The following CD6 variants were observed in gnomAD, a reference collection of about 807,000 sequenced individuals.
The protein encoded by CD6 is CD6 molecule.
CD6 carries 53 observed loss-of-function variants against 75.3 expected under a neutral mutation model. The ratio of observed to expected loss-of-function variants is 0.70; its 90% CI spans 0.56 to 0.88. The LOEUF (loss-of-function observed/expected upper bound fraction) is 0.88. Among genes scored for constraint, CD6 ranks in the 40% least tolerant of loss-of-function variants. The pLI, the probability that CD6 is intolerant of heterozygous loss-of-function variation, is 0.00. For synonymous variants in CD6, 359 were observed against 381.5 expected, an observed-to-expected ratio of 0.94 and a Z score of 0.69; for missense variants, 770 against 897.1, an observed-to-expected ratio of 0.86 and a Z score of 1.81.
At chr11:60,992,371 AG>A (rs200664353) in intron 1 of CD6, among the ~76,000 whole-genome samples, 2 of 151,738 alleles carry the variant, frequency 1.3e-5, no homozygotes, top group Non-Finnish European at 2.9e-5. Context: ...GAGGGAGGCA[AG>A]GGGGGCATGT....
Position 60,979,938 on chromosome 11 carries a change from C to T in CD6, c.49+8024C>T, listed in dbSNP as rs185918184. On this transcript the variant is annotated intron_variant, in intron 1 of 12. Coordinates refer to ENST00000313421, the MANE Select transcript of CD6 (RefSeq NM_006725.5). ...GGCAACAGGCACAATCCAGTGACAG[C>T]TGCAACCACCACCCATTACCAGGGA... Among the ~76,000 whole-genome samples, 33 of 152,342 alleles carry T rather than the reference C, an allele frequency of 2.2e-4. No homozygotes were observed. In the East Asian group the frequency reaches 6.2e-3, roughly 28 times the overall value.
chr11:61,000,013 C>T (rs145003773), intron 1 of CD6, among the ~76,000 whole-genome samples: 2 of 152,206 alleles, frequency 1.3e-5, no homozygotes, highest in African/African-American at 4.8e-5. Context: ...GATCGCATCA[C>T]TGCACTCCAG....
In CD6 at chr11:61,017,492, T is replaced by G. The variant is rs1324264849; in HGVS notation, c.1524T>G (p.His508Gln). 1 of 1,549,546 alleles carries G rather than the reference T, an allele frequency of 6.5e-7. No individual in the cohort carries two copies. Among genetic ancestry groups the G allele is most frequent in the South Asian group, 1.2e-5 (1 of 83,972 alleles). The stretch of plus-strand genomic sequence containing the variant: ...CTCTGCTTGCAGATTCCCAGCGGCA[T>G]CGGGTCACAGATGAGGAGGTCCAGC... ...ALTTFYNSQR[H>Q]RVTDEEVQQS... is the part of the protein sequence containing the mutation. Residue 508 changes from histidine to glutamine, a missense_variant, in exon 10 of 13, where the codon CAT (histidine) becomes CAG (glutamine). By Grantham distance (24) the His-to-Gln change is conservative. Transcript: ENST00000313421.
chr11:60,990,007 T>G (rs1360465287), intron 1 of CD6, among the ~76,000 whole-genome samples: 2 of 152,192 alleles, frequency 1.3e-5, no homozygotes, highest in African/African-American at 4.8e-5. Flanking sequence ...TTTTAAAATT[T>G]TTTTGTTTTT....
At chr11:60,991,056 G>T (rs1858040366) in intron 1 of CD6, among the ~76,000 whole-genome samples, 1 of 151,544 alleles carries the variant, frequency 6.6e-6, no homozygotes. Flanking sequence ...AAAGGGTATA[G>T]CTTTCAGATC....
At chr11:61,013,700 C>G (rs1273298077) in intron 7 of CD6, 137 bp downstream of exon 7, 1 of 955,668 alleles carries the variant, frequency 1.0e-6, no homozygotes, top group Non-Finnish European at 1.6e-6. Context: ...AAAGGATTTT[C>G]CCAGCATGCC....
intron 1 of CD6, among the ~76,000 whole-genome samples, chr11:60,992,378 C>T (rs1858101069): frequency 6.6e-6 from 1 of 150,768 alleles, no homozygotes; most frequent in South Asian, 2.1e-4. Context: ...GCAAGGGGGG[C>T]ATGTGAAGAG....
intron 1 of CD6, among the ~76,000 whole-genome samples, chr11:60,979,424 G>A (rs1857484328): frequency 6.6e-6 from 1 of 152,030 alleles, no homozygotes; most frequent in East Asian, 1.9e-4. Flanking sequence ...AGCCAGGGGA[G>A]AGCTTGCTGG....
intron 1 of CD6, among the ~76,000 whole-genome samples, chr11:60,986,898 C>T (rs548946086): frequency 7.2e-5 from 11 of 152,248 alleles, no homozygotes; most frequent in South Asian, 4.1e-4. Context: ...GAGGCTGAGG[C>T]GGGCAGATCA....
chr11:61,006,260 A>T (rs985376656), intron 1 of CD6, among the ~76,000 whole-genome samples: 1 of 152,202 alleles, frequency 6.6e-6, no homozygotes, highest in African/African-American at 2.4e-5. Flanking sequence ...AGATTAAGTC[A>T]CCCATTCATG....
At chr11:60,972,533 G>A (rs1857227159) in intron 1 of CD6, among the ~76,000 whole-genome samples, 1 of 152,188 alleles carries the variant, frequency 6.6e-6, no homozygotes, top group African/African-American at 2.4e-5. Context: ...GGAATCAGAT[G>A]GCCAGAAGGT....
intron 1 of CD6, among the ~76,000 whole-genome samples, chr11:60,972,893 C>T (rs1008787990): frequency 6.6e-6 from 1 of 152,150 alleles, no homozygotes; most frequent in African/African-American, 2.4e-5. Context: ...GTGTTCCGAG[C>T]CTGTGGCCTC....
chr11:61,015,865 C>T (rs1357634955), intron 9 of CD6, 30 bp downstream of exon 9: 2 of 1,612,020 alleles, frequency 1.2e-6, no homozygotes, highest in South Asian at 2.2e-5. Flanking sequence ...CCCGAGGGCC[C>T]ACCTACCTGA....
chr11:60,995,320 T>C (rs1240014519), intron 1 of CD6, among the ~76,000 whole-genome samples: 2 of 151,996 alleles, frequency 1.3e-5, no homozygotes, highest in Non-Finnish European at 2.9e-5. Context: ...AATTTTTGTA[T>C]TTTTAGTAGA....
At chr11:60,978,445 C>A (rs932895505) in intron 1 of CD6, among the ~76,000 whole-genome samples, 2 of 152,160 alleles carry the variant, frequency 1.3e-5, no homozygotes, top group African/African-American at 4.8e-5. Flanking sequence ...GGAGAAGGAA[C>A]CTTGAGGAGG....
chr11:61,013,285 T>G (rs1312128245), intron 6 of CD6, 138 bp from the exon 7 acceptor site: 17 of 967,322 alleles, frequency 1.8e-5, no homozygotes, highest in Non-Finnish European at 2.5e-5. Flanking sequence ...TTAAAAGCAA[T>G]GAGAAAATTG....
intron 1 of CD6, among the ~76,000 whole-genome samples, chr11:61,000,023 G>A (rs1391316835): frequency 6.6e-6 from 1 of 152,062 alleles, no homozygotes; most frequent in Non-Finnish European, 1.5e-5. Context: ...CTGCACTCCA[G>A]CCTGGGCAAC....
chr11:60,998,848 A>AG (rs1491342050), intron 1 of CD6, among the ~76,000 whole-genome samples: 1 of 59,228 alleles, frequency 1.7e-5, no homozygotes, highest in African/African-American at 5.7e-5. Context: ...AACACAAGGC[A>AG]GAAAAAAAAA....
At chr11:60,974,401 G>A (rs1444738026) in intron 1 of CD6, among the ~76,000 whole-genome samples, 5 of 152,134 alleles carry the variant, frequency 3.3e-5, no homozygotes, top group African/African-American at 7.2e-5. Flanking sequence ...CATGCGCCAC[G>A]ACGCCCAGCT....
Sources: allele counts gnomAD v4.1 joint callset (sites outside exome capture counted in the v4.1 genomes callset), GRCh38; gene constraint gnomAD v4.1.1; transcripts MANE v1.5; gene names NCBI Gene and HGNC (gene_info 2026-07-23, HGNC 2026-07-21).